The following FGF12 variants were observed in gnomAD, a reference collection of about 807,000 sequenced individuals.
FGF12 encodes the protein fibroblast growth factor 12, also known as fibroblast growth factor 12B.
FGF12 carries 14 observed loss-of-function variants against 23.6 expected under a neutral mutation model. That is an observed-to-expected ratio of 0.59 (90% CI 0.39 to 0.93). The LOEUF (loss-of-function observed/expected upper bound fraction) is 0.93, where lower values mean the gene tolerates loss of function less well. FGF12 is among the 40% of genes least tolerant of loss of function. The pLI, the probability that FGF12 is intolerant of heterozygous loss-of-function variation, is 0.00. For missense variants in FGF12, 175 were observed against 217.8 expected (o/e 0.80, Z 1.24); for synonymous variants, 62 against 77.3 (o/e 0.80, Z 1.04).
intron 2 of FGF12, among the ~76,000 whole-genome samples, chr3:192,521,864 A>G (rs910667405): frequency 6.6e-6 from 1 of 152,138 alleles, no homozygotes; most frequent in Non-Finnish European, 1.5e-5. Context: ...TCATGTTCAT[A>G]TCTTTTATGT....
chr3:192,477,325 A>G (rs1226916036), intron 2 of FGF12, among the ~76,000 whole-genome samples: 1 of 152,198 alleles, frequency 6.6e-6, no homozygotes, highest in Non-Finnish European at 1.5e-5. Flanking sequence ...AAGAGTTCAC[A>G]TAGGGGAGAC....
At chr3:192,221,039 G>T (rs998598891) in intron 4 of FGF12, among the ~76,000 whole-genome samples, 1 of 152,174 alleles carries the variant, frequency 6.6e-6, no homozygotes, top group African/African-American at 2.4e-5. Context: ...CTCCATGAGA[G>T]GATGGTTTAA....
At chr3:192,277,460 A>T (rs1272790864) in intron 4 of FGF12, among the ~76,000 whole-genome samples, 1 of 152,196 alleles carries the variant, frequency 6.6e-6, no homozygotes, top group East Asian at 1.9e-4. Flanking sequence ...TTTTCAAGGG[A>T]AACCAAAGAA....
Position 192,360,311 on chromosome 3 carries a change from G to T in FGF12, c.124+117C>A. 4 of 692,078 alleles carry T rather than the reference G, an allele frequency of 5.8e-6. No individual in the cohort carries two copies. In the South Asian group the frequency reaches 7.1e-5, roughly 12 times the overall value. 42.9% of individuals were successfully genotyped at this position (692,078 alleles called of 1,614,324 possible). ...AGGAAAAGACACTAGCTTACTAATA[G>T]TTAAATAGTTTGAAAGGCATAGTTT... is the stretch of plus-strand genomic sequence containing the variant. On this transcript the variant is annotated intron_variant, in intron 3 of 5. Coordinates refer to ENST00000445105, the MANE Select transcript of FGF12 (RefSeq NM_004113.6). This position sits in a 1 kb window ranked among gnomAD's most constrained non-coding sequence, Gnocchi z 4.3.
intron 4 of FGF12, among the ~76,000 whole-genome samples, chr3:192,203,296 T>A (rs1303908716): frequency 6.6e-6 from 1 of 152,178 alleles, no homozygotes; most frequent in Non-Finnish European, 1.5e-5. Context: ...TTGACCTAGC[T>A]TAATGATCCT....
At chr3:192,361,396 T>C (rs1480153235) in intron 2 of FGF12, among the ~76,000 whole-genome samples, 1 of 152,170 alleles carries the variant, frequency 6.6e-6, no homozygotes, top group Non-Finnish European at 1.5e-5. Context: ...CATTTTTGTC[T>C]CTATTGTTGA....
chr3:192,561,529 A>G (rs1478373798), intron 2 of FGF12, among the ~76,000 whole-genome samples: 1 of 151,970 alleles, frequency 6.6e-6, no homozygotes, highest in Non-Finnish European at 1.5e-5. Context: ...CGCCCAGCTA[A>G]TTTTTTATAT....
chr3:192,719,955 G>A (rs533523983), intron 2 of FGF12, among the ~76,000 whole-genome samples: 2 of 152,350 alleles, frequency 1.3e-5, no homozygotes, highest in South Asian at 4.1e-4. Flanking sequence ...AGGATTCGAG[G>A]AAAACCTGTT....
At chr3:192,426,426 C>G (rs1157412252) in intron 2 of FGF12, among the ~76,000 whole-genome samples, 3 of 152,072 alleles carry the variant, frequency 2.0e-5, no homozygotes, top group Non-Finnish European at 4.4e-5. Flanking sequence ...TGAACAAATA[C>G]AGGTATAAAG....
intron 2 of FGF12, among the ~76,000 whole-genome samples, chr3:192,504,005 G>A (rs953612959): frequency 3.3e-5 from 5 of 151,796 alleles, no homozygotes; most frequent in African/African-American, 1.2e-4. Context: ...ATACTATGCA[G>A]TCATAAAAAA....
intron 2 of FGF12, among the ~76,000 whole-genome samples, chr3:192,538,722 C>T (rs956645139): frequency 3.9e-5 from 6 of 152,128 alleles, no homozygotes; most frequent in Admixed American, 1.3e-4. Context: ...CTGTACATTG[C>T]TTTGGTCAGT....
intron 2 of FGF12, chr3:192,533,899 C>T (rs1027351141): frequency 6.6e-6 from 1 of 152,102 alleles, no homozygotes; most frequent in Non-Finnish European, 1.5e-5. Context: ...AGCAAGCCTG[C>T]TTGAAAACAT....
chr3:192,706,771 T>C (rs2036584), intron 2 of FGF12, among the ~76,000 whole-genome samples: 111,627 of 152,092 alleles, frequency 0.73, 42,245 homozygotes, highest in African/African-American at 0.92. Flanking sequence ...TTTTACAACA[T>C]ATCTAGTTTT....
intron 4 of FGF12, among the ~76,000 whole-genome samples, chr3:192,179,766 G>A (rs531237738): frequency 9.9e-5 from 15 of 151,968 alleles, no homozygotes; most frequent in African/African-American, 3.6e-4. Flanking sequence ...GGTTGGTCTC[G>A]AACTCCTGAC....
At chr3:192,701,602 G>A (rs1292578580) in intron 2 of FGF12, among the ~76,000 whole-genome samples, 1 of 152,088 alleles carries the variant, frequency 6.6e-6, no homozygotes, top group Non-Finnish European at 1.5e-5. Flanking sequence ...TACTTGCTGC[G>A]ATCTTTACTC....
chr3:192,664,594 CAAAAAAAATACA>C (rs1192543415), intron 2 of FGF12, among the ~76,000 whole-genome samples: 7 of 97,076 alleles, frequency 7.2e-5, no homozygotes, highest in Admixed American at 1.0e-4. Flanking sequence ...ACTAAAAATA[CAAAAAAAATACA>C]AAAAAAAAAA....
chr3:192,469,441 T>G (rs1159957961), intron 2 of FGF12, among the ~76,000 whole-genome samples: 1 of 152,206 alleles, frequency 6.6e-6, no homozygotes, highest in African/African-American at 2.4e-5. Context: ...AGAGGGCTCA[T>G]GATAGCCTTC....
intron 2 of FGF12, among the ~76,000 whole-genome samples, chr3:192,561,566 G>C (rs993470004): frequency 1.8e-4 from 28 of 152,064 alleles, no homozygotes; most frequent in Middle Eastern, 3.2e-3. Flanking sequence ...GTTTCACCGT[G>C]TTAGCCAGGA....
chr3:192,267,795 T>C (rs567330460), intron 4 of FGF12, among the ~76,000 whole-genome samples: 1 of 152,214 alleles, frequency 6.6e-6, no homozygotes, highest in Non-Finnish European at 1.5e-5. Context: ...TTATAGGACA[T>C]TTTAAATTAT....
Sources: gnomAD v4.1 joint callset for allele counts (sites outside exome capture counted in the v4.1 genomes callset) on GRCh38, gnomAD v4.1.1 for gene constraint, Gnocchi (gnomAD v3.1) non-coding constraint, MANE v1.5 for transcripts, NCBI Gene and HGNC (gene_info 2026-07-23, HGNC 2026-07-21) for gene names.